Variants in SEZ6L observed in about 807,000 individuals in gnomAD.
SEZ6L encodes seizure 6-like protein.
In SEZ6L, 37 loss-of-function variants were observed where a neutral mutation model predicts 106.2. That is an observed-to-expected ratio of 0.35 (90% confidence interval 0.27 to 0.46). SEZ6L has a LOEUF of 0.46. Among genes scored for constraint, SEZ6L ranks in the 20% least tolerant of loss-of-function variants. The pLI, the probability that SEZ6L is intolerant of heterozygous loss-of-function variation, is 1.00. For missense variants in SEZ6L, 1,172 were observed against 1,332.8 expected (o/e 0.88, Z 1.88); for synonymous variants, 541 against 570.4 (o/e 0.95, Z 0.73).
chr22:26,235,951 G>A (rs925202920), intron 1 of SEZ6L, among the ~76,000 whole-genome samples: 1 of 152,246 alleles, frequency 6.6e-6, no homozygotes, highest in African/African-American at 2.4e-5. Context: ...ATGAGTCACT[G>A]GGCTTGCGGC....
intron 1 of SEZ6L, among the ~76,000 whole-genome samples, chr22:26,257,608 G>A (rs1457555454): frequency 6.6e-6 from 1 of 152,182 alleles, no homozygotes; most frequent in Non-Finnish European, 1.5e-5. Context: ...ATTTAAGGTG[G>A]CAGGAGAAGG....
At chr22:26,266,091 C>A (rs1003486573) in intron 1 of SEZ6L, among the ~76,000 whole-genome samples, 17 of 152,180 alleles carry the variant, frequency 1.1e-4, no homozygotes, top group Non-Finnish European at 1.8e-4. Context: ...GTAGGACCAG[C>A]TCACAAGGAC....
chr22:26,237,631 T>C (rs2078992786), intron 1 of SEZ6L, among the ~76,000 whole-genome samples: 1 of 152,200 alleles, frequency 6.6e-6, no homozygotes, highest in South Asian at 2.1e-4. Flanking sequence ...AACTGAGTGA[T>C]TTATTTGTTC....
intron 1 of SEZ6L, among the ~76,000 whole-genome samples, chr22:26,190,342 T>C (rs902801127): frequency 2.6e-5 from 4 of 152,098 alleles, no homozygotes; most frequent in African/African-American, 4.8e-5. Flanking sequence ...TTATAAATTA[T>C]GCACTTGATG....
At chr22:26,292,056 G>C (rs1463982530) in intron 1 of SEZ6L, among the ~76,000 whole-genome samples, 1 of 150,012 alleles carries the variant, frequency 6.7e-6, no homozygotes, top group Non-Finnish European at 1.5e-5. Flanking sequence ...AGGAAAGAAG[G>C]AAGGAAATGA....
intron 9 of SEZ6L, among the ~76,000 whole-genome samples, chr22:26,332,581 G>A (rs1329709832): frequency 6.6e-6 from 1 of 151,994 alleles, no homozygotes; most frequent in Non-Finnish European, 1.5e-5. Context: ...TGAGTAGCTG[G>A]GACCACAGGC....
chr22:26,251,642 G>T (rs928313195), intron 1 of SEZ6L, among the ~76,000 whole-genome samples: 4 of 152,162 alleles, frequency 2.6e-5, no homozygotes, highest in Admixed American at 2.0e-4. Flanking sequence ...AGGGCTGCTA[G>T]GGGGATCCTT....
intron 1 of SEZ6L, among the ~76,000 whole-genome samples, chr22:26,206,619 C>T (rs916948675): frequency 1.3e-5 from 2 of 152,132 alleles, no homozygotes. Context: ...ACATGAGCGA[C>T]CTAAAAATCC....
intron 1 of SEZ6L, among the ~76,000 whole-genome samples, chr22:26,205,958 T>C (rs1941250106): frequency 6.6e-6 from 1 of 152,162 alleles, no homozygotes; most frequent in Admixed American, 6.5e-5. Flanking sequence ...GTCCAGTTTA[T>C]GCTCTGGAAC....
intron 9 of SEZ6L, among the ~76,000 whole-genome samples, chr22:26,314,420 C>G (rs6005008): frequency 0.25 from 38,711 of 152,078 alleles, 6,195 homozygotes; most frequent in African/African-American, 0.46. Flanking sequence ...GTGTGGCCAG[C>G]AAGAAGGGGG....
At chr22:26,234,374 A>T (rs2078893370) in intron 1 of SEZ6L, among the ~76,000 whole-genome samples, 1 of 152,216 alleles carries the variant, frequency 6.6e-6, no homozygotes, top group African/African-American at 2.4e-5. Context: ...AAGCCAAAGA[A>T]ATGTTCCATC....
intron 9 of SEZ6L, among the ~76,000 whole-genome samples, chr22:26,318,857 G>T (rs2082077226): frequency 6.6e-6 from 1 of 152,082 alleles, no homozygotes; most frequent in Non-Finnish European, 1.5e-5. Flanking sequence ...TCCATCAGTT[G>T]CTTGGGGGAA....
intron 8 of SEZ6L, among the ~76,000 whole-genome samples, chr22:26,312,666 G>T (rs1037980501): frequency 1.3e-5 from 2 of 152,194 alleles, no homozygotes; most frequent in Admixed American, 1.3e-4. Flanking sequence ...CGCTTCCCGG[G>T]TTCAAGCGAT....
At chr22:26,170,151 A>G (rs1250183635) in intron 1 of SEZ6L, among the ~76,000 whole-genome samples, 1 of 151,854 alleles carries the variant, frequency 6.6e-6, no homozygotes, top group African/African-American at 2.4e-5. Flanking sequence ...TCTCCGGGAG[A>G]GGACAGGAAG....
chr22:26,270,190 T>C (rs1046082116), intron 1 of SEZ6L, among the ~76,000 whole-genome samples: 1 of 152,090 alleles, frequency 6.6e-6, no homozygotes, highest in Non-Finnish European at 1.5e-5. Context: ...AGATGATGCG[T>C]GGTAGAATGT....
At chr22:26,319,585 T>C (rs1031585329) in intron 9 of SEZ6L, among the ~76,000 whole-genome samples, 2 of 152,206 alleles carry the variant, frequency 1.3e-5, no homozygotes, top group African/African-American at 2.4e-5. Flanking sequence ...TCCCCTGCCA[T>C]TGGGATGCTC....
Position 26,317,648 on chromosome 22 carries a change from G to A in SEZ6L, c.2015+3746G>A, listed in dbSNP as rs147212886. ...TAAGCATGCATGCAATGGAGCAGCC[G>A]ATCCGGGAACCTCATGCAATTAAAG... On this transcript the variant is annotated intron_variant, in intron 9 of 16. Transcript: ENST00000248933. Among the ~76,000 whole-genome samples, 382 of 152,128 alleles carry A rather than the reference G, an allele frequency of 2.5e-3. 8 individuals carry two copies. In the East Asian group the frequency reaches 0.059, roughly 23 times the overall value.
intron 1 of SEZ6L, among the ~76,000 whole-genome samples, chr22:26,226,041 A>T (rs926581055): frequency 6.6e-6 from 1 of 152,220 alleles, no homozygotes; most frequent in South Asian, 2.1e-4. Context: ...ATATTTCTCA[A>T]AGTAACTCGA....
intron 6 of SEZ6L, among the ~76,000 whole-genome samples, chr22:26,306,398 G>A (rs983107159): frequency 6.6e-6 from 1 of 152,164 alleles, no homozygotes; most frequent in Non-Finnish European, 1.5e-5. Context: ...AGGCAAAAAG[G>A]GAACTGCCCT....
Sources: gnomAD v4.1 joint callset for allele counts (sites outside exome capture counted in the v4.1 genomes callset) on GRCh38, gnomAD v4.1.1 for gene constraint, MANE v1.5 for transcripts, NCBI Gene and HGNC (gene_info 2026-07-23, HGNC 2026-07-21) for gene names.